Variants in TMED3 observed in about 807,000 individuals in gnomAD.
The protein encoded by TMED3 is transmembrane emp24 domain-containing protein 3.
In TMED3, 9 loss-of-function variants were observed where a neutral mutation model predicts 15.0. The observed-to-expected ratio is 0.60, with a 90% confidence interval of 0.36 to 1.04. The LOEUF (loss-of-function observed/expected upper bound fraction) is 1.04. Among genes scored for constraint, TMED3 ranks in the 50% least tolerant of loss-of-function variants. The pLI is 0.01. For missense variants in TMED3, 267 were observed against 278.9 expected (o/e 0.96, Z 0.30); for synonymous variants, 117 against 121.4 (o/e 0.96, Z 0.24).
chr15:79,311,454 C>T, intron 1 of TMED3, 37 bp downstream of exon 1: 3 of 1,581,082 alleles, frequency 1.9e-6, no homozygotes, highest in South Asian at 1.2e-5. Context: ...CCTTCTCCCT[C>T]CACTCCCAGG....
chr15:79,380,598 T>TGTAG (rs1893515442), intron 2 of TMED3, among the ~76,000 whole-genome samples: 1 of 146,324 alleles, frequency 6.8e-6, no homozygotes, highest in Non-Finnish European at 1.5e-5. Context: ...TATATATATA[T>TGTAG]ATAGAGAGAG....
intron 2 of TMED3, among the ~76,000 whole-genome samples, chr15:79,351,516 G>T (rs2058890854): frequency 6.6e-6 from 1 of 152,050 alleles, no homozygotes; most frequent in Non-Finnish European, 1.5e-5. Flanking sequence ...AATAAAACGG[G>T]AAAACTGATT....
intron 2 of TMED3, chr15:79,382,941 A>G (rs1253849436): frequency 6.5e-7 from 1 of 1,535,048 alleles, no homozygotes; most frequent in African/African-American, 1.4e-5. Context: ...TTACAAGGGC[A>G]TAAACACGAT....
intron 2 of TMED3, among the ~76,000 whole-genome samples, chr15:79,328,596 T>C (rs925112): frequency 0.33 from 50,012 of 152,054 alleles, 8,845 homozygotes; most frequent in Middle Eastern, 0.47. Context: ...GTGGAGTAAG[T>C]GTATGTGTTG....
chr15:79,353,139 A>AT (rs2058900150), intron 2 of TMED3, among the ~76,000 whole-genome samples: 1 of 75,010 alleles, frequency 1.3e-5, no homozygotes, highest in African/African-American at 7.0e-5. Flanking sequence ...TAAAATATAT[A>AT]AAAAATATAT....
intron 2 of TMED3, among the ~76,000 whole-genome samples, chr15:79,320,114 G>A (rs891469060): frequency 2.6e-5 from 4 of 152,240 alleles, no homozygotes; most frequent in African/African-American, 7.2e-5. Flanking sequence ...TGACACTGAC[G>A]CTACCGCTAG....
downstream of TMED3, among the ~76,000 whole-genome samples, chr15:79,324,915 T>A (rs1230009688): frequency 2.0e-5 from 3 of 152,200 alleles, no homozygotes; most frequent in African/African-American, 7.2e-5. Flanking sequence ...TGAACCTTCA[T>A]TTCCTCATCT....
Position 79,311,142 on chromosome 15 carries a change from C to A in TMED3, c.-108C>A, listed in dbSNP as rs370297751. 305 of 1,254,984 alleles carry A rather than the reference C, an allele frequency of 2.4e-4. 3 individuals are homozygous for A. In the East Asian group the frequency reaches 7.6e-3, roughly 31 times the overall value. 77.7% of individuals were successfully genotyped at this position (1,254,984 alleles called of 1,614,324 possible). A position where few individuals can be genotyped will look rare whatever the true frequency, so the allele number is the denominator to read the frequency against. Reference sequence around the variant, plus strand: ...CGGAAGCGCAGAGCTCCGCTGGTGCCACGTCTATCCCCTTACATCCTCCTA... The same window carrying A: ...CGGAAGCGCAGAGCTCCGCTGGTGCAACGTCTATCCCCTTACATCCTCCTA... On this transcript the variant is annotated 5_prime_UTR_variant, in exon 1 of 3. Coordinates refer to ENST00000299705, the MANE Select transcript of TMED3 (RefSeq NM_007364.4).
At chr15:79,326,973 G>A (rs2058789771), downstream of TMED3, among the ~76,000 whole-genome samples, 1 of 152,204 alleles carries the variant, frequency 6.6e-6, no homozygotes, top group Non-Finnish European at 1.5e-5. Context: ...GGAAGCCAGT[G>A]TACAGAGATC....
At chr15:79,365,116 AC>A (rs1441113068) in intron 2 of TMED3, among the ~76,000 whole-genome samples, 1 of 152,086 alleles carries the variant, frequency 6.6e-6, no homozygotes, top group Non-Finnish European at 1.5e-5. Context: ...GGCGATTCAC[AC>A]CCCTGCTGAA....
chr15:79,366,291 C>T (rs779596370), intron 2 of TMED3, among the ~76,000 whole-genome samples: 4 of 152,250 alleles, frequency 2.6e-5, no homozygotes, highest in Non-Finnish European at 5.9e-5. Context: ...TGTTTCTTTG[C>T]AGTCAGCTGC....
rs556302590 is a variant in TMED3, at chr15:79,364,179, T to A, written c.418-47221T>A. ...CACAGTTGAATACAAAGGCTTTTTA[T>A]ATAGAAGCTGATGGGACTGGGTTCC... On this transcript the variant is annotated intron_variant, in intron 2 of 2. Coordinates refer to the TMED3 transcript ENST00000424155. Among the ~76,000 whole-genome samples the A allele has an allele frequency of 7.2e-4, 110 of 152,130 alleles. 1 individual carries two copies. Among genetic ancestry groups the A allele is most frequent in the Non-Finnish European group, 1.2e-3 (83 of 68,028 alleles).
At chr15:79,367,919 A>G (rs1893267427) in intron 2 of TMED3, among the ~76,000 whole-genome samples, 1 of 152,174 alleles carries the variant, frequency 6.6e-6, no homozygotes, top group Non-Finnish European at 1.5e-5. Flanking sequence ...GTAGAAAAGA[A>G]TTAGCTCTGT....
intron 2 of TMED3, among the ~76,000 whole-genome samples, chr15:79,381,145 CTTT>C (rs1321460222): frequency 1.3e-5 from 2 of 152,132 alleles, no homozygotes; most frequent in Non-Finnish European, 2.9e-5. Context: ...AAAATCTTAG[CTTT>C]TTAGTGCAAT....
At chr15:79,379,362 G>A (rs758376949) in intron 2 of TMED3, among the ~76,000 whole-genome samples, 1 of 152,114 alleles carries the variant, frequency 6.6e-6, no homozygotes, top group Non-Finnish European at 1.5e-5. Flanking sequence ...CCAATTTCTT[G>A]TTGGCAAAGT....
At chr15:79,388,058 C>T (rs916159832) in intron 2 of TMED3, among the ~76,000 whole-genome samples, 3 of 151,892 alleles carry the variant, frequency 2.0e-5, no homozygotes, top group Non-Finnish European at 2.9e-5. Flanking sequence ...TTTTCCATTC[C>T]AATCTTTATA....
At chr15:79,313,535 A>C (rs2058726570) in intron 1 of TMED3, among the ~76,000 whole-genome samples, 1 of 152,230 alleles carries the variant, frequency 6.6e-6, no homozygotes. Context: ...AGGCAGGCAT[A>C]GATTCAAATC....
At chr15:79,383,422 G>A (rs372178523) in intron 2 of TMED3, 1 of 188,618 alleles carries the variant, frequency 5.3e-6, no homozygotes. Context: ...ACAGAACTCA[G>A]CAAGCCAATT....
At chr15:79,331,305 T>C (rs1232694363) in intron 2 of TMED3, among the ~76,000 whole-genome samples, 2 of 152,102 alleles carry the variant, frequency 1.3e-5, no homozygotes, top group Non-Finnish European at 2.9e-5. Flanking sequence ...GAACCTTCAT[T>C]GGGAGGACAG....
Sources: allele counts gnomAD v4.1 joint callset (sites outside exome capture counted in the v4.1 genomes callset), GRCh38; gene constraint gnomAD v4.1.1; transcripts MANE v1.5; gene names NCBI Gene and HGNC (gene_info 2026-07-23, HGNC 2026-07-21).